The following ADGRG6 variants were observed in gnomAD, a reference collection of about 807,000 sequenced individuals.
ADGRG6 encodes the protein G-protein coupled receptor 126.
In ADGRG6, 84 loss-of-function variants were observed where a neutral mutation model predicts 142.4. The ratio of observed to expected loss-of-function variants is 0.59; its 90% CI spans 0.49 to 0.71. The LOEUF (loss-of-function observed/expected upper bound fraction) is 0.71, where lower values mean the gene tolerates loss of function less well. Ranked by LOEUF, ADGRG6 falls within the 30% of genes least tolerant of loss-of-function variation. The pLI is 0.00. For synonymous variants in ADGRG6, 521 were observed against 520.5 expected, an observed-to-expected ratio of 1.00 and a Z score of -0.01; for missense variants, 1,367 against 1,466.6, an observed-to-expected ratio of 0.93 and a Z score of 1.11.
intron 22 of ADGRG6, among the ~76,000 whole-genome samples, chr6:142,433,496 A>G (rs1777314840): frequency 6.6e-6 from 1 of 152,228 alleles, no homozygotes. Context: ...TGAGGATGAA[A>G]TCCTAACCGA....
chr6:142,372,606 G>C (rs1781312102), intron 4 of ADGRG6, among the ~76,000 whole-genome samples: 1 of 152,198 alleles, frequency 6.6e-6, no homozygotes, highest in Non-Finnish European at 1.5e-5. Flanking sequence ...CCACAACCCT[G>C]TTCCACAAGG....
At chr6:142,366,965 A>T (rs1780968543) in intron 2 of ADGRG6, among the ~76,000 whole-genome samples, 1 of 152,216 alleles carries the variant, frequency 6.6e-6, no homozygotes, top group Non-Finnish European at 1.5e-5. Context: ...AACTATAAAT[A>T]ATCCATGTTT....
chr6:142,371,738 G>A (rs1456069224), intron 4 of ADGRG6, among the ~76,000 whole-genome samples: 1 of 152,078 alleles, frequency 6.6e-6, no homozygotes, highest in Non-Finnish European at 1.5e-5. Flanking sequence ...GCCCACCTTG[G>A]CCTCCCAAAA....
Position 142,340,598 on chromosome 6 carries a change from A to T in ADGRG6, c.104-26971A>T, listed in dbSNP as rs1779571951. Among the ~76,000 whole-genome samples, 3 of 152,150 alleles carry T rather than the reference A, an allele frequency of 2.0e-5. No individual in the cohort carries two copies. In the South Asian group the frequency reaches 6.2e-4, roughly 32 times the overall value. On this transcript the variant is annotated intron_variant, in intron 2 of 24. Transcript: ENST00000367609. ...GCTAAGAAAAAATTCAAAGGAATATATCCTTCAAGAATAAATTGAAGAGAT... is the reference window on the plus strand; with the variant it reads ...GCTAAGAAAAAATTCAAAGGAATATTTCCTTCAAGAATAAATTGAAGAGAT...
rs1166453825 is a variant in ADGRG6, at chr6:142,443,622, A to G, written c.*107A>G. The stretch of plus-strand genomic sequence containing the variant: ...CTATTACCTAGGTAACTGCATATAT[A>G]TAAGGAATGTATTTTGTTAAGAAGG... On this transcript the variant is annotated 3_prime_UTR_variant, in exon 25 of 25. Coordinates refer to ENST00000367609, the MANE Select transcript of ADGRG6 (RefSeq NM_198569.3). The G allele has an allele frequency of 1.1e-5, 7 of 649,258 alleles. No homozygotes were observed. The highest frequency in any genetic ancestry group is 1.8e-5 in the Non-Finnish European group (7 of 385,628). 40.2% of individuals were successfully genotyped at this position (649,258 alleles called of 1,614,324 possible). A position where few individuals can be genotyped will look rare whatever the true frequency, so the allele number is the denominator to read the frequency against.
At chr6:142,428,156 A>G (rs892103286) in intron 22 of ADGRG6, among the ~76,000 whole-genome samples, 1 of 152,228 alleles carries the variant, frequency 6.6e-6, no homozygotes, top group Admixed American at 6.5e-5. Context: ...ACACATATAC[A>G]TGTGTAATTA....
At chr6:142,404,548 G>A (rs1193119933) in intron 14 of ADGRG6, among the ~76,000 whole-genome samples, 1 of 152,082 alleles carries the variant, frequency 6.6e-6, no homozygotes. Flanking sequence ...GGAGGCTGAG[G>A]CACGAGAATC....
intron 18 of ADGRG6, among the ~76,000 whole-genome samples, chr6:142,412,167 A>G (rs187669703): frequency 2.0e-5 from 3 of 152,262 alleles, no homozygotes; most frequent in African/African-American, 7.2e-5. Flanking sequence ...TCATCCATAG[A>G]TTTATACCTT....
intron 22 of ADGRG6, among the ~76,000 whole-genome samples, chr6:142,433,460 G>A (rs1315165605): frequency 1.3e-5 from 2 of 152,152 alleles, no homozygotes; most frequent in African/African-American, 4.8e-5. Flanking sequence ...GCTTTAAAAA[G>A]CAATGAGATT....
chr6:142,414,712 G>T (rs1776265662), intron 18 of ADGRG6, among the ~76,000 whole-genome samples: 1 of 152,148 alleles, frequency 6.6e-6, no homozygotes, highest in African/African-American at 2.4e-5. Flanking sequence ...GGTTATACCG[G>T]TTTGCAGAAA....
In ADGRG6 at chr6:142,302,109, C is replaced by T; in HGVS notation, c.-221C>T. 3.7e-6 allele frequency: 2 copies of T among 540,342 alleles called. No individual in the cohort carries two copies. Among genetic ancestry groups the T allele is most frequent in the Non-Finnish European group, 6.5e-6 (2 of 307,844 alleles). The allele number at this position is 540,342 out of a possible 1,614,324, so 33.5% of individuals were successfully genotyped here. A position where few individuals can be genotyped will look rare whatever the true frequency, so the allele number is the denominator to read the frequency against. ...GGAGGGACCTGCCGCCAGCCTGCTT[C>T]CTCGTCCGCAGGCCCTGCGCTGAAC... On this transcript the variant is annotated 5_prime_UTR_variant, in exon 1 of 25. Transcript: ENST00000367609.
intron 22 of ADGRG6, among the ~76,000 whole-genome samples, chr6:142,421,667 C>T (rs935614487): frequency 1.3e-5 from 2 of 152,172 alleles, no homozygotes; most frequent in East Asian, 1.9e-4. Flanking sequence ...TAACCTTCAA[C>T]AGCTACAGTT....
intron 2 of ADGRG6, among the ~76,000 whole-genome samples, chr6:142,348,342 A>G (rs1396743513): frequency 6.6e-6 from 1 of 152,218 alleles, no homozygotes; most frequent in Non-Finnish European, 1.5e-5. Context: ...AAATGTTAAA[A>G]GATCAGATGG....
chr6:142,360,631 C>G (rs895282333), intron 2 of ADGRG6, among the ~76,000 whole-genome samples: 1 of 151,926 alleles, frequency 6.6e-6, no homozygotes, highest in Non-Finnish European at 1.5e-5. Context: ...TCTTTGTGCT[C>G]TACATTTTCT....
chr6:142,315,141 A>C (rs1312563953), intron 2 of ADGRG6, among the ~76,000 whole-genome samples: 1 of 152,182 alleles, frequency 6.6e-6, no homozygotes, highest in Non-Finnish European at 1.5e-5. Flanking sequence ...TTTCTTGGAC[A>C]AGATAAACCT....
intron 6 of ADGRG6, among the ~76,000 whole-genome samples, chr6:142,386,589 G>A (rs1421969246): frequency 6.6e-6 from 1 of 152,174 alleles, no homozygotes; most frequent in African/African-American, 2.4e-5. Flanking sequence ...CCACCAAGCA[G>A]TTCCAAAACA....
At chr6:142,349,744 C>T (rs1232959822) in intron 2 of ADGRG6, among the ~76,000 whole-genome samples, 1 of 152,176 alleles carries the variant, frequency 6.6e-6, no homozygotes, top group Non-Finnish European at 1.5e-5. Context: ...GTGCTGATGT[C>T]TTCCCTTTTC....
At chr6:142,365,503 A>G (rs1335129156) in intron 2 of ADGRG6, among the ~76,000 whole-genome samples, 5 of 152,170 alleles carry the variant, frequency 3.3e-5, no homozygotes, top group Admixed American at 2.0e-4. Context: ...GTAGTGGAAG[A>G]AGATTTACAA....
intron 4 of ADGRG6, 28 bp from the exon 5 acceptor site, chr6:142,381,923 C>T (rs754012462): frequency 7.0e-7 from 1 of 1,434,318 alleles, no homozygotes; most frequent in South Asian, 1.2e-5. Flanking sequence ...ATAAATCAAA[C>T]TTACATATTC....
Sources: gnomAD v4.1 joint callset for allele counts (sites outside exome capture counted in the v4.1 genomes callset) on GRCh38, gnomAD v4.1.1 for gene constraint, MANE v1.5 for transcripts, NCBI Gene and HGNC (gene_info 2026-07-23, HGNC 2026-07-21) for gene names.